Variants in PAPPA2 observed in about 807,000 individuals in gnomAD.
PAPPA2 encodes pappalysin 2, also known as pappalysin-2.
A neutral mutation model predicts 176.4 loss-of-function variants in PAPPA2; 86 were observed. The observed-to-expected ratio is 0.49, with a 90% CI of 0.41 to 0.58. The LOEUF is 0.58. PAPPA2 is among the 20% of genes least tolerant of loss of function. The pLI, the probability that PAPPA2 is intolerant of heterozygous loss-of-function variation, is 0.00. For missense variants in PAPPA2, 2,073 were observed against 2,256.9 expected (o/e 0.92, Z 1.65); for synonymous variants, 809 against 852.2 (o/e 0.95, Z 0.88).
At chr1:176,617,615 T>A (rs1655340989) in intron 3 of PAPPA2, among the ~76,000 whole-genome samples, 1 of 152,114 alleles carries the variant, frequency 6.6e-6, no homozygotes, top group Non-Finnish European at 1.5e-5. Context: ...ATTATTTCAT[T>A]CTTTTATATG....
intron 1 of PAPPA2, among the ~76,000 whole-genome samples, chr1:176,529,079 C>T (rs901036276): frequency 6.6e-6 from 1 of 152,122 alleles, no homozygotes; most frequent in Non-Finnish European, 1.5e-5. Flanking sequence ...TAGCAATCTG[C>T]ACAGAATAGA....
At chr1:176,777,935 T>C (rs1189027855) in intron 17 of PAPPA2, among the ~76,000 whole-genome samples, 1 of 151,786 alleles carries the variant, frequency 6.6e-6, no homozygotes, top group Non-Finnish European at 1.5e-5. Flanking sequence ...TCTGGTGCAA[T>C]AGGGAAATTT....
intron 3 of PAPPA2, among the ~76,000 whole-genome samples, chr1:176,663,881 G>C (rs1658481896): frequency 6.6e-6 from 1 of 152,078 alleles, no homozygotes; most frequent in African/African-American, 2.4e-5. Context: ...GTCTTTCTAA[G>C]TATCTGTATG....
intron 1 of PAPPA2, among the ~76,000 whole-genome samples, chr1:176,476,518 G>C (rs1334483687): frequency 1.3e-5 from 2 of 152,230 alleles, no homozygotes; most frequent in African/African-American, 4.8e-5. Flanking sequence ...GATGGAGTCT[G>C]AGTGGGCCAG....
intron 3 of PAPPA2, among the ~76,000 whole-genome samples, chr1:176,668,943 C>A (rs1441737297): frequency 6.6e-6 from 1 of 151,950 alleles, no homozygotes; most frequent in African/African-American, 2.4e-5. Flanking sequence ...ATGAGGAGAA[C>A]CAGCTAATGA....
At chr1:176,817,004 A>G (rs1666431909) in intron 21 of PAPPA2, among the ~76,000 whole-genome samples, 1 of 152,124 alleles carries the variant, frequency 6.6e-6, no homozygotes. Flanking sequence ...AGATCCTAGG[A>G]ATATAAAGGT....
At chr1:176,470,869 AT>A (rs10711737) in intron 1 of PAPPA2, among the ~76,000 whole-genome samples, 94,729 of 151,194 alleles carry the variant, frequency 0.63, 29,863 homozygotes, top group Non-Finnish European at 0.67. Context: ...GGGTCAGTGG[AT>A]TTTTTTTTTT....
At chr1:176,707,272 G>A (rs967394173) in intron 10 of PAPPA2, among the ~76,000 whole-genome samples, 2 of 152,128 alleles carry the variant, frequency 1.3e-5, no homozygotes, top group African/African-American at 2.4e-5. Context: ...ATTTATTAAG[G>A]TGTTAAGTAT....
Position 176,555,912 on chromosome 1 carries a change from C to T in PAPPA2, c.-411C>T, listed in dbSNP as rs930512737. On this transcript the variant is annotated 5_prime_UTR_variant, in exon 2 of 23. Transcript: ENST00000367662. ...GAGTGTGTATTTGAGAGACTTGGCT[C>T]ATGCCTGTGGGTCTTCTCTTCTAGT... 3 of 176,042 alleles carry T rather than the reference C, an allele frequency of 1.7e-5. No individual in the cohort carries two copies. Among genetic ancestry groups the T allele is most frequent in the South Asian group, 1.5e-4 (1 of 6,462 alleles). 10.9% of individuals were successfully genotyped at this position (176,042 alleles called of 1,614,324 possible). A position where few individuals can be genotyped will look rare whatever the true frequency, so the allele number is the denominator to read the frequency against.
At chr1:176,784,925 A>G (rs1664870365) in intron 17 of PAPPA2, among the ~76,000 whole-genome samples, 1 of 152,122 alleles carries the variant, frequency 6.6e-6, no homozygotes, top group South Asian at 2.1e-4. Flanking sequence ...ATGGCAGAGC[A>G]CAGAGAGGGC....
chr1:176,488,780 C>G (rs558997851), intron 1 of PAPPA2, among the ~76,000 whole-genome samples: 4 of 152,118 alleles, frequency 2.6e-5, no homozygotes, highest in African/African-American at 7.2e-5. Flanking sequence ...CCTCTCTCCC[C>G]CACTTCCTCC....
At chr1:176,539,240 G>A (rs1167194246) in intron 1 of PAPPA2, among the ~76,000 whole-genome samples, 2 of 152,126 alleles carry the variant, frequency 1.3e-5, no homozygotes, top group South Asian at 2.1e-4. Context: ...GCCAGGATTT[G>A]TATGGAACGT....
intron 3 of PAPPA2, among the ~76,000 whole-genome samples, chr1:176,622,581 A>G (rs891167288): frequency 5.3e-5 from 8 of 152,170 alleles, no homozygotes; most frequent in Non-Finnish European, 1.0e-4. Context: ...AGATCAAGGT[A>G]TCTTGAAGCA....
chr1:176,575,332 G>C (rs1373904417), intron 2 of PAPPA2, among the ~76,000 whole-genome samples: 1 of 152,090 alleles, frequency 6.6e-6, no homozygotes, highest in Non-Finnish European at 1.5e-5. Context: ...TCCTCACATT[G>C]TCATTATTAT....
intron 9 of PAPPA2, among the ~76,000 whole-genome samples, chr1:176,703,316 A>G (rs1200698780): frequency 1.3e-5 from 2 of 152,134 alleles, no homozygotes; most frequent in Admixed American, 6.5e-5. Context: ...TTAACATACT[A>G]TGTTACTTTT....
chr1:176,820,026 C>A (rs1666593077), intron 21 of PAPPA2, among the ~76,000 whole-genome samples: 1 of 152,118 alleles, frequency 6.6e-6, no homozygotes, highest in East Asian at 1.9e-4. Context: ...GGAGGATGCC[C>A]ACACTCCATA....
chr1:176,765,345 T>C (rs1403687960), intron 14 of PAPPA2, among the ~76,000 whole-genome samples: 3 of 152,162 alleles, frequency 2.0e-5, no homozygotes, highest in Admixed American at 1.3e-4. Flanking sequence ...ATATTTTGAG[T>C]GTCATCCCAT....
intron 3 of PAPPA2, among the ~76,000 whole-genome samples, chr1:176,611,900 C>T (rs960073127): frequency 6.6e-6 from 1 of 152,108 alleles, no homozygotes; most frequent in Non-Finnish European, 1.5e-5. Flanking sequence ...AATTTTATTT[C>T]CATGCCTAGA....
chr1:176,514,178 CTGG>C (rs1199271064), intron 1 of PAPPA2, among the ~76,000 whole-genome samples: 1 of 152,222 alleles, frequency 6.6e-6, no homozygotes, highest in Non-Finnish European at 1.5e-5. Context: ...GCATCTACTT[CTGG>C]TGAGGCCTCA....
Sources: allele counts gnomAD v4.1 joint callset (sites outside exome capture counted in the v4.1 genomes callset), GRCh38; gene constraint gnomAD v4.1.1; transcripts MANE v1.5; gene names NCBI Gene and HGNC (gene_info 2026-07-23, HGNC 2026-07-21).